KIAA1328: variants seen among roughly 807,000 people sequenced by gnomAD.
KIAA1328 encodes protein hinderin.
A neutral mutation model predicts 68.1 loss-of-function variants in KIAA1328; 52 were observed. The observed-to-expected ratio is 0.76, with a 90% confidence interval of 0.61 to 0.96. The LOEUF (loss-of-function observed/expected upper bound fraction) is 0.96, where lower values mean the gene tolerates loss of function less well. Ranked by LOEUF, KIAA1328 falls within the 40% of genes least tolerant of loss-of-function variation. The probability of loss-of-function intolerance (pLI) is 0.00; values close to 1 mark genes in which losing one functional copy is unlikely to be tolerated. For synonymous variants in KIAA1328, 232 were observed against 239.4 expected, an observed-to-expected ratio of 0.97 and a Z score of 0.28; for missense variants, 641 against 677.6, an observed-to-expected ratio of 0.95 and a Z score of 0.60.
chr18:37,136,325 T>C (rs2058643569), intron 7 of KIAA1328, among the ~76,000 whole-genome samples: 1 of 152,190 alleles, frequency 6.6e-6, no homozygotes, highest in African/African-American at 2.4e-5. Flanking sequence ...AGTTCTAAAA[T>C]TTTGTATTAT....
intron 9 of KIAA1328, among the ~76,000 whole-genome samples, chr18:37,176,623 C>T (rs1247734923): frequency 1.3e-5 from 2 of 152,106 alleles, no homozygotes; most frequent in African/African-American, 2.4e-5. Context: ...CAAGCAATGC[C>T]CCACAGACCA....
intron 7 of KIAA1328, among the ~76,000 whole-genome samples, chr18:37,107,665 C>T (rs1230445570): frequency 6.6e-6 from 1 of 152,096 alleles, no homozygotes; most frequent in Non-Finnish European, 1.5e-5. Flanking sequence ...TTAGCCTGGG[C>T]ATTGTTGGTA....
At chr18:37,173,936 G>A (rs1246039983) in intron 9 of KIAA1328, among the ~76,000 whole-genome samples, 1 of 152,162 alleles carries the variant, frequency 6.6e-6, no homozygotes, top group Non-Finnish European at 1.5e-5. Flanking sequence ...CCAAACCTAG[G>A]AAACAGTGTG....
intron 6 of KIAA1328, among the ~76,000 whole-genome samples, chr18:36,998,194 A>G (rs2053463897): frequency 6.6e-6 from 1 of 152,102 alleles, no homozygotes; most frequent in Non-Finnish European, 1.5e-5. Context: ...GCCCAACCCA[A>G]TCCACCACCT....
intron 5 of KIAA1328, among the ~76,000 whole-genome samples, chr18:36,935,114 G>A (rs949831332): frequency 6.6e-6 from 1 of 152,174 alleles, no homozygotes; most frequent in Admixed American, 6.5e-5. Flanking sequence ...AATTATCCAG[G>A]CTACTGCCTG....
chr18:36,885,463 C>A, intron 4 of KIAA1328, 94 bp from the exon 5 acceptor site: 1 of 661,414 alleles, frequency 1.5e-6, no homozygotes, highest in Non-Finnish European at 2.4e-6. Flanking sequence ...TTCGGCATAC[C>A]TTTGGAAGAA....
chr18:37,186,094 C>CTTTTTTTTTTTTTTTTTT (rs748423012), intron 9 of KIAA1328, among the ~76,000 whole-genome samples: 1 of 90,434 alleles, frequency 1.1e-5, no homozygotes, highest in Non-Finnish European at 2.0e-5. Context: ...TCAAGGATGT[C>CTTTTTTTTTTTTTTTTTT]TTTTTTTTTT....
At chr18:37,102,268 G>T (rs577515048) in intron 7 of KIAA1328, among the ~76,000 whole-genome samples, 1 of 152,274 alleles carries the variant, frequency 6.6e-6, no homozygotes, top group African/African-American at 2.4e-5. Context: ...ACTGGGGCCT[G>T]TCAGGCGTGA....
chr18:37,198,023 G>T (rs1238204594), intron 9 of KIAA1328, among the ~76,000 whole-genome samples: 1 of 152,140 alleles, frequency 6.6e-6, no homozygotes, highest in African/African-American at 2.4e-5. Context: ...CAACAAAAAG[G>T]AATGAAGTAA....
At chr18:37,198,894 A>G (rs1046757029) in intron 9 of KIAA1328, among the ~76,000 whole-genome samples, 14 of 152,224 alleles carry the variant, frequency 9.2e-5, no homozygotes, top group African/African-American at 3.4e-4. Context: ...AAACTGTTTA[A>G]TACACACACA....
intron 4 of KIAA1328, among the ~76,000 whole-genome samples, chr18:36,860,573 A>G (rs1039548849): frequency 5.9e-5 from 9 of 152,206 alleles, no homozygotes; most frequent in Non-Finnish European, 1.2e-4. Flanking sequence ...AAACAGTGCA[A>G]GAACGTTAGA....
chr18:37,119,684 G>A (rs1217985542), intron 7 of KIAA1328, among the ~76,000 whole-genome samples: 3 of 152,160 alleles, frequency 2.0e-5, no homozygotes, highest in Admixed American at 2.0e-4. Flanking sequence ...GAATGAGGAT[G>A]GGGAGCCCAC....
intron 7 of KIAA1328, among the ~76,000 whole-genome samples, chr18:37,080,583 T>C (rs747975707): frequency 1.3e-5 from 2 of 152,004 alleles, no homozygotes; most frequent in Non-Finnish European, 2.9e-5. Context: ...GACACCATCC[T>C]GGCTAACACG....
At chr18:37,117,848 A>G (rs1387552607) in intron 7 of KIAA1328, among the ~76,000 whole-genome samples, 1 of 150,092 alleles carries the variant, frequency 6.7e-6, no homozygotes, top group Non-Finnish European at 1.5e-5. Context: ...GAGGGATACA[A>G]AAGGGAAGAA....
intron 6 of KIAA1328, among the ~76,000 whole-genome samples, chr18:37,005,433 A>G (rs1271632488): frequency 2.0e-4 from 3 of 14,774 alleles, no homozygotes; most frequent in African/African-American, 2.4e-4. Context: ...GCTATTATTT[A>G]AAAAAAAAAA....
chr18:36,953,720 T>C (rs539383329), intron 5 of KIAA1328, among the ~76,000 whole-genome samples: 71 of 152,066 alleles, frequency 4.7e-4, no homozygotes, highest in Non-Finnish European at 9.1e-4. Flanking sequence ...AACCAACTTA[T>C]GGTAACTGAT....
In KIAA1328 at chr18:37,223,784, G is replaced by A. The variant is rs1335020774; in HGVS notation, c.*1557G>A. ...TCCAAAGCTCATGTCTCTTCAGGCT[G>A]AGACTGGCGCTGTCACCTCCACCCA... On this transcript the variant is annotated 3_prime_UTR_variant, in exon 10 of 10. Coordinates refer to ENST00000280020, the MANE Select transcript of KIAA1328 (RefSeq NM_020776.3). 1.0e-6 allele frequency: 1 copy of A among 985,398 alleles called. No individual in the cohort carries two copies. Among genetic ancestry groups the A allele is most frequent in the Non-Finnish European group, 1.2e-6 (1 of 829,922 alleles). The allele number at this position is 985,398 out of a possible 1,614,324, so 61.0% of individuals were successfully genotyped here.
chr18:37,117,885 A>ATAT (rs57673006), intron 7 of KIAA1328, among the ~76,000 whole-genome samples: 211 of 143,054 alleles, frequency 1.5e-3, no homozygotes, highest in Middle Eastern at 7.1e-3. Context: ...TTAAAAAAAA[A>ATAT]AAATATATAT....
At chr18:37,131,582 T>G (rs2058522169) in intron 7 of KIAA1328, among the ~76,000 whole-genome samples, 1 of 152,152 alleles carries the variant, frequency 6.6e-6, no homozygotes, top group African/African-American at 2.4e-5. Context: ...CAGTGAGCAT[T>G]TTTGGTGAAA....
Sources: gnomAD v4.1 joint callset for allele counts (sites outside exome capture counted in the v4.1 genomes callset) on GRCh38, gnomAD v4.1.1 for gene constraint, MANE v1.5 for transcripts, NCBI Gene and HGNC (gene_info 2026-07-23, HGNC 2026-07-21) for gene names.